The following ELSPBP1 variants were observed in gnomAD, a reference collection of about 807,000 sequenced individuals.
ELSPBP1 encodes the protein epididymal sperm-binding protein 1.
Under a neutral mutation model 33.3 loss-of-function variants are expected in ELSPBP1, and 38 were observed. That is an observed-to-expected ratio of 1.14 (90% confidence interval 0.88 to 1.50). The LOEUF (loss-of-function observed/expected upper bound fraction) is 1.50, where lower values mean the gene tolerates loss of function less well. Ranked by LOEUF, ELSPBP1 falls within the 40% of genes most tolerant of loss-of-function variation. The probability of loss-of-function intolerance (pLI) is 0.00; values close to 1 mark genes in which losing one functional copy is unlikely to be tolerated. For synonymous variants in ELSPBP1, 85 were observed against 94.1 expected (o/e 0.90, Z 0.56); for missense variants, 267 against 263.5 (o/e 1.01, Z -0.09).
At chr19:47,994,922 C>G (rs1301992855) in intron 1 of ELSPBP1, 111 bp downstream of exon 1, 3 of 152,062 alleles carry the variant, frequency 2.0e-5, no homozygotes, top group African/African-American at 7.2e-5. Flanking sequence ...ATAATACGAG[C>G]CACATAAATC....
intron 4 of ELSPBP1, among the ~76,000 whole-genome samples, chr19:48,018,011 G>C (rs539548718): frequency 2.6e-5 from 4 of 151,632 alleles, no homozygotes; most frequent in African/African-American, 9.7e-5. Context: ...CTTAGACCCA[G>C]TTTTGATGGA....
intron 2 of ELSPBP1, among the ~76,000 whole-genome samples, chr19:48,009,703 T>TA (rs34303424): frequency 0.17 from 25,271 of 152,082 alleles, 2,164 homozygotes; most frequent in South Asian, 0.23. Flanking sequence ...ATTTACGTTT[T>TA]AAAAAAAGTG....
chr19:48,022,151 A>G lies in ELSPBP1; in HGVS notation c.515-19A>G. The G allele has an allele frequency of 6.2e-7, 1 of 1,603,486 alleles. No individual in the cohort carries two copies. Among genetic ancestry groups the G allele is most frequent in the Non-Finnish European group, 8.5e-7 (1 of 1,174,952 alleles). On this transcript the variant is annotated intron_variant, in intron 5 of 6. Transcript: ENST00000339841. ...AAGCCTGAGGAGTAACCTTTGTTTT[A>G]TCCCCTTCTGCTTCCTAGGAATTTC...
At chr19:48,003,738 G>A (rs1452080600) in intron 1 of ELSPBP1, among the ~76,000 whole-genome samples, 1 of 149,422 alleles carries the variant, frequency 6.7e-6, no homozygotes, top group Non-Finnish European at 1.5e-5. Flanking sequence ...TAGAGATGGA[G>A]TTTCACCATG....
intron 1 of ELSPBP1, among the ~76,000 whole-genome samples, chr19:47,998,944 C>T (rs1314496073): frequency 1.3e-5 from 2 of 152,308 alleles, no homozygotes; most frequent in South Asian, 4.1e-4. Context: ...GCGGGAGGCC[C>T]ACCCTAAGGG....
intron 2 of ELSPBP1, among the ~76,000 whole-genome samples, chr19:48,010,336 C>T (rs1317112722): frequency 6.6e-6 from 1 of 152,102 alleles, no homozygotes; most frequent in East Asian, 1.9e-4. Flanking sequence ...TCCCTGAGAC[C>T]ACACCCACAT....
At chr19:48,024,306 C>T (rs1568409844) in intron 6 of ELSPBP1, among the ~76,000 whole-genome samples, 2 of 152,052 alleles carry the variant, frequency 1.3e-5, no homozygotes, top group Non-Finnish European at 1.5e-5. Context: ...AGATGTTCTC[C>T]AGCCTGTAGA....
At chr19:47,999,639 C>T (rs573725277) in intron 1 of ELSPBP1, among the ~76,000 whole-genome samples, 9 of 151,938 alleles carry the variant, frequency 5.9e-5, no homozygotes, top group East Asian at 1.9e-4. Flanking sequence ...CCACCCACCT[C>T]GGCCTCCCAA....
chr19:47,999,169 G>A (rs1421907839), intron 1 of ELSPBP1, among the ~76,000 whole-genome samples: 1 of 152,138 alleles, frequency 6.6e-6, no homozygotes, highest in Non-Finnish European at 1.5e-5. Context: ...AGGCATGATT[G>A]TTTACATTCC....
At chr19:48,008,486 G>A (rs1396078037) in intron 1 of ELSPBP1, among the ~76,000 whole-genome samples, 165 bp from the exon 2 acceptor site, 1 of 151,974 alleles carries the variant, frequency 6.6e-6, no homozygotes, top group Non-Finnish European at 1.5e-5. Flanking sequence ...CCTTTGTCTT[G>A]GTCTCCCAAA....
intron 2 of ELSPBP1, among the ~76,000 whole-genome samples, chr19:48,010,457 C>CAGAA (rs1160793833): frequency 2.0e-5 from 3 of 152,074 alleles, no homozygotes; most frequent in African/African-American, 7.2e-5. Context: ...TGTTATGGAC[C>CAGAA]AGAAGTGCAG....
In ELSPBP1 at chr19:48,011,591, AATG is replaced by A. The variant is rs1449687571; in HGVS notation, c.71-2578_71-2576del. Among the ~76,000 whole-genome samples the A allele has an allele frequency of 6.8e-6, 1 of 146,858 alleles. No homozygotes were observed. The highest frequency in any genetic ancestry group is 2.5e-5 in the African/African-American group (1 of 39,282). On this transcript the variant is annotated intron_variant, in intron 2 of 6. Coordinates refer to ENST00000339841, the MANE Select transcript of ELSPBP1 (RefSeq NM_022142.5). The surrounding 1 kb of genome is among the most constrained non-coding windows in gnomAD (Gnocchi z 4.5). ...ATCATCATCACATGATAATGACAAT[AATG>A]AGGTGGATTATGATGACAATGATGA...
chr19:48,019,559 T>A (rs1303151936), intron 4 of ELSPBP1, among the ~76,000 whole-genome samples, 160 bp from the exon 5 acceptor site: 2 of 152,198 alleles, frequency 1.3e-5, no homozygotes, highest in African/African-American at 2.4e-5. Flanking sequence ...TTCTCACTTA[T>A]CCGTAACATT....
intron 1 of ELSPBP1, among the ~76,000 whole-genome samples, chr19:47,998,877 G>A (rs535802383): frequency 6.6e-6 from 1 of 151,970 alleles, no homozygotes; most frequent in African/African-American, 2.4e-5. Context: ...TTGTGTACAA[G>A]TCCAGTAAAC....
chr19:48,022,269 T>C lies in ELSPBP1; in HGVS notation c.614T>C (p.Leu205Pro), dbSNP rs138605860. 1.4e-4 allele frequency: 230 copies of C among 1,613,772 alleles called. 1 individual carries two copies. In the African/African-American group the frequency reaches 2.8e-3, roughly 20 times the overall value. The change falls in exon 6 of 7, where the codon CTT becomes CCT. Residue 205 changes from leucine (L) to proline (P), a missense_variant. Transcript: ENST00000339841. ...ACTAACGAAGGATCAAAGGAGAACC[T>C]TGTGTGGTGTGCAACTTCTTACAAC... ...NCTNEGSKEN[L>P]VWCATSYNYD...
At chr19:48,020,115 C>G (rs1967183951) in intron 5 of ELSPBP1, among the ~76,000 whole-genome samples, 1 of 152,134 alleles carries the variant, frequency 6.6e-6, no homozygotes, top group Non-Finnish European at 1.5e-5. Context: ...AAACACCTAA[C>G]CATGATGCAA....
chr19:47,995,762 T>C (rs1250661723), intron 1 of ELSPBP1, among the ~76,000 whole-genome samples: 1 of 152,144 alleles, frequency 6.6e-6, no homozygotes, highest in Non-Finnish European at 1.5e-5. Context: ...TTAGGTTTTA[T>C]CTCCACTAAA....
intron 4 of ELSPBP1, among the ~76,000 whole-genome samples, chr19:48,018,263 T>C (rs183850441): frequency 6.6e-6 from 1 of 152,278 alleles, no homozygotes; most frequent in Admixed American, 6.5e-5. Context: ...TCACTTTTAT[T>C]ATCTGCAAAA....
At position 48,003,029 on chromosome 19, in the gene ELSPBP1, G is replaced by T. The variant is rs998772037; in HGVS notation, c.-17-5622G>T. On this transcript the variant is annotated intron_variant, in intron 1 of 6. Coordinates refer to ENST00000339841, the MANE Select transcript of ELSPBP1 (RefSeq NM_022142.5). The stretch of plus-strand genomic sequence containing the variant: ...TTTTCCGACCAGCCAAGAAACAGCA[G>T]CGGTGGCAGGATGCTGGTCCCAACC... Among the ~76,000 whole-genome samples, 6 of 152,128 alleles carry T rather than the reference G, an allele frequency of 3.9e-5. No homozygotes were observed. In the East Asian group the frequency reaches 7.7e-4, roughly 20 times the overall value.
Sources: gnomAD v4.1 joint callset for allele counts (sites outside exome capture counted in the v4.1 genomes callset) on GRCh38, gnomAD v4.1.1 for gene constraint, Gnocchi (gnomAD v3.1) non-coding constraint, MANE v1.5 for transcripts, NCBI Gene and HGNC (gene_info 2026-07-23, HGNC 2026-07-21) for gene names.